The following C17orf67 variants were observed in gnomAD, a reference collection of about 807,000 sequenced individuals.
C17orf67 encodes the protein chromosome 17 open reading frame 67.
C17orf67 carries 12 observed loss-of-function variants against 11.2 expected under a neutral mutation model. The observed-to-expected ratio is 1.07, with a 90% CI of 0.68 to 1.73. C17orf67 has a LOEUF of 1.73. C17orf67 is among the 40% of genes most tolerant of loss of function. The pLI, the probability that C17orf67 is intolerant of heterozygous loss-of-function variation, is 0.00. For missense variants in C17orf67, 115 were observed against 113.5 expected (o/e 1.01, Z -0.06); for synonymous variants, 59 against 46.9 (o/e 1.26, Z -1.05).
chr17:56,806,644 C>T (rs988597710), intron 6 of C17orf67, among the ~76,000 whole-genome samples: 1 of 152,182 alleles, frequency 6.6e-6, no homozygotes, highest in Non-Finnish European at 1.5e-5. Context: ...CCACCTCAGC[C>T]TCTCCTGAGT....
At chr17:56,822,112 C>A (rs956134387) in intron 4 of C17orf67, among the ~76,000 whole-genome samples, 1 of 152,208 alleles carries the variant, frequency 6.6e-6, no homozygotes, top group African/African-American at 2.4e-5. Flanking sequence ...TGAAGCAGAG[C>A]CACATCACCT....
intron 6 of C17orf67, among the ~76,000 whole-genome samples, chr17:56,800,311 C>T (rs1029695548): frequency 6.6e-6 from 1 of 152,146 alleles, no homozygotes; most frequent in Non-Finnish European, 1.5e-5. Context: ...GTGATCCACC[C>T]GCCTCAGCCT....
At chr17:56,796,522 C>T (rs941755546) in intron 6 of C17orf67, among the ~76,000 whole-genome samples, 1 of 152,120 alleles carries the variant, frequency 6.6e-6, no homozygotes, top group Non-Finnish European at 1.5e-5. Context: ...TTAATCTGTC[C>T]ACAACAGAAA....
chr17:56,798,641 G>A (rs772163319), intron 6 of C17orf67, among the ~76,000 whole-genome samples: 11 of 148,724 alleles, frequency 7.4e-5, no homozygotes, highest in African/African-American at 1.7e-4. Flanking sequence ...CAGCCTGGGC[G>A]ACGTGGTGAA....
intron 6 of C17orf67, among the ~76,000 whole-genome samples, chr17:56,796,886 C>G (rs1165152832): frequency 1.3e-5 from 2 of 150,202 alleles, no homozygotes; most frequent in Non-Finnish European, 3.0e-5. Flanking sequence ...GGTGGCCCAC[C>G]AGGGCCACCT....
At chr17:56,816,926 T>C (rs1905774642) in intron 4 of C17orf67, among the ~76,000 whole-genome samples, 1 of 152,172 alleles carries the variant, frequency 6.6e-6, no homozygotes, top group African/African-American at 2.4e-5. Flanking sequence ...AGAGGCTCAC[T>C]GCAGCCTCTA....
intron 7 of C17orf67, among the ~76,000 whole-genome samples, chr17:56,792,990 TTGG>T (rs1200381767): frequency 7.2e-6 from 1 of 139,632 alleles, no homozygotes; most frequent in Admixed American, 7.1e-5. Context: ...GGTGATGATG[TTGG>T]TGGTGGTGAT....
intron 4 of C17orf67, among the ~76,000 whole-genome samples, chr17:56,818,544 A>T (rs1247674493): frequency 6.6e-6 from 1 of 152,216 alleles, no homozygotes; most frequent in Non-Finnish European, 1.5e-5. Context: ...ATATTTTTTT[A>T]AATTTTGCAA....
intron 6 of C17orf67, among the ~76,000 whole-genome samples, chr17:56,798,532 C>G (rs147429884): frequency 1.9e-4 from 29 of 152,130 alleles, no homozygotes; most frequent in African/African-American, 5.8e-4. Context: ...CTTGGTATTA[C>G]ACAAATGCAT....
At position 56,833,288 on chromosome 17, in the gene C17orf67, C is replaced by G. The variant is rs1419154802; in HGVS notation, c.-947G>C. 1 of 154,922 alleles carries G rather than the reference C, an allele frequency of 6.5e-6. No individual in the cohort carries two copies. The highest frequency in any genetic ancestry group is 1.9e-4 in the East Asian group (1 of 5,286). The allele number at this position is 154,922 out of a possible 1,614,324, so 9.6% of individuals were successfully genotyped here. On this transcript the variant is annotated 5_prime_UTR_variant, in exon 2 of 8. Transcript: ENST00000397861. ...AGCCCGCGTGGTCGCGGCTCAGGTC[C>G]GTGTTGGGCTGGTAGGACTCCAGCG...
At chr17:56,792,661 GTGA>G (rs1567790165) in intron 7 of C17orf67, among the ~76,000 whole-genome samples, 1 of 106,222 alleles carries the variant, frequency 9.4e-6, no homozygotes, top group Non-Finnish European at 2.4e-5. Flanking sequence ...GCTGATGGTG[GTGA>G]TGGTGATGAT....
chr17:56,806,269 C>T (rs1386676052), intron 6 of C17orf67, among the ~76,000 whole-genome samples: 12 of 152,212 alleles, frequency 7.9e-5, no homozygotes, highest in Middle Eastern at 3.4e-3. Context: ...CCACCGCACC[C>T]GGCCTACAGT....
At position 56,792,202 on chromosome 17, in the gene C17orf67, G is replaced by A. The variant is rs1422647946; in HGVS notation, c.*171C>T. 1 of 152,206 alleles carries A rather than the reference G, an allele frequency of 6.6e-6. No individual in the cohort carries two copies. Among genetic ancestry groups the A allele is most frequent in the East Asian group, 1.9e-4 (1 of 5,202 alleles). 9.4% of individuals were successfully genotyped at this position (152,206 alleles called of 1,614,324 possible). A position where few individuals can be genotyped will look rare whatever the true frequency, so the allele number is the denominator to read the frequency against. ...CTATGCAGGTTAGTAAAATGAAGCAGTATATATATTTGCCATTTCCAAGGC... is the reference window on the plus strand; with the variant it reads ...CTATGCAGGTTAGTAAAATGAAGCAATATATATATTTGCCATTTCCAAGGC... On this transcript the variant is annotated 3_prime_UTR_variant, in exon 8 of 8. Transcript: ENST00000397861.
At chr17:56,793,400 G>A (rs1905154125) in intron 7 of C17orf67, among the ~76,000 whole-genome samples, 1 of 152,144 alleles carries the variant, frequency 6.6e-6, no homozygotes, top group East Asian at 1.9e-4. Flanking sequence ...GAGGAACCCT[G>A]TGTTTGCAGG....
chr17:56,809,126 T>TG (rs917453406), intron 6 of C17orf67, among the ~76,000 whole-genome samples: 1 of 152,052 alleles, frequency 6.6e-6, no homozygotes, highest in Non-Finnish European at 1.5e-5. Context: ...GTTTGTCTCC[T>TG]GGGTACCATG....
chr17:56,810,420 TCACA>T (rs1361381627), intron 6 of C17orf67, among the ~76,000 whole-genome samples: 1 of 144,906 alleles, frequency 6.9e-6, no homozygotes, highest in Non-Finnish European at 1.5e-5. Context: ...CACACACCCC[TCACA>T]CACACCCTCA....
chr17:56,801,216 C>A (rs1905313553), intron 6 of C17orf67, among the ~76,000 whole-genome samples: 1 of 152,182 alleles, frequency 6.6e-6, no homozygotes, highest in African/African-American at 2.4e-5. Flanking sequence ...CAGGTCCATA[C>A]AAACAGCAGG....
intron 4 of C17orf67, among the ~76,000 whole-genome samples, chr17:56,820,130 C>T (rs1457782112): frequency 2.0e-5 from 3 of 152,088 alleles, no homozygotes; most frequent in African/African-American, 7.3e-5. Flanking sequence ...GCCAAATGGT[C>T]CAGAATGAAC....
At chr17:56,811,980 T>C (rs2144131213) in intron 6 of C17orf67, among the ~76,000 whole-genome samples, 1 of 152,244 alleles carries the variant, frequency 6.6e-6, no homozygotes, top group South Asian at 2.1e-4. Flanking sequence ...CCATCCCCCA[T>C]ACCCAGGTCC....
Sources: gnomAD v4.1 joint callset for allele counts (sites outside exome capture counted in the v4.1 genomes callset) on GRCh38, gnomAD v4.1.1 for gene constraint, MANE v1.5 for transcripts, NCBI Gene and HGNC (gene_info 2026-07-23, HGNC 2026-07-21) for gene names.